Variants in DNAH17 observed in about 807,000 individuals in gnomAD.
DNAH17 encodes the protein dynein axonemal heavy chain 17.
DNAH17 carries 376 observed loss-of-function variants against 485.6 expected under a neutral mutation model. The observed-to-expected ratio is 0.77, with a 90% confidence interval of 0.71 to 0.84. The LOEUF (loss-of-function observed/expected upper bound fraction) is 0.84. Among genes scored for constraint, DNAH17 ranks in the 40% least tolerant of loss-of-function variants. The probability of loss-of-function intolerance (pLI) is 0.00; values close to 1 mark genes in which losing one functional copy is unlikely to be tolerated. For synonymous variants in DNAH17, 3,031 were observed against 2,405.9 expected, an observed-to-expected ratio of 1.26 and a Z score of -7.60; for missense variants, 6,370 against 5,839.3, an observed-to-expected ratio of 1.09 and a Z score of -2.96.
At chr17:78,518,134 G>A (rs114815299) in intron 25 of DNAH17, among the ~76,000 whole-genome samples, 266 of 152,296 alleles carry the variant, frequency 1.7e-3, no homozygotes, top group African/African-American at 5.7e-3. Context: ...GACATAGGCT[G>A]TAACATGACA....
Position 78,573,476 on chromosome 17 carries a change from A to G in DNAH17, c.346-582T>C, listed in dbSNP as rs567428201. Among the ~76,000 whole-genome samples the G allele has an allele frequency of 1.2e-4, 19 of 152,084 alleles. No individual in the cohort carries two copies. The South Asian group carries it at 4.0e-3, about 32-fold the overall frequency. ...TAGCCAGGCATGGTGGCACCTGCCTATAATCCCAGCTATTTGGGAGGCTGA... is the reference window on the plus strand; with the variant it reads ...TAGCCAGGCATGGTGGCACCTGCCTGTAATCCCAGCTATTTGGGAGGCTGA... On this transcript the variant is annotated intron_variant, in intron 2 of 80. Transcript: ENST00000389840.
intron 74 of DNAH17, 142 bp downstream of exon 74, chr17:78,437,499 G>C (rs954059846): frequency 1.8e-6 from 1 of 567,404 alleles, no homozygotes; most frequent in African/African-American, 1.9e-5. Flanking sequence ...TTTTGACTGC[G>C]AGGGGTGTGT....
chr17:78,570,656 G>A (rs563062523), intron 6 of DNAH17, among the ~76,000 whole-genome samples: 8 of 151,918 alleles, frequency 5.3e-5, no homozygotes, highest in South Asian at 2.1e-4. Context: ...TCAGGAGATC[G>A]AGACCATCCT....
chr17:78,554,799 T>G (rs1047011648), intron 14 of DNAH17, among the ~76,000 whole-genome samples: 1 of 152,170 alleles, frequency 6.6e-6, no homozygotes, highest in African/African-American at 2.4e-5. Context: ...CAGGCTGGAG[T>G]GCAGTGGCGT....
At chr17:78,531,007 T>C (rs2091220729) in intron 20 of DNAH17, among the ~76,000 whole-genome samples, 1 of 152,262 alleles carries the variant, frequency 6.6e-6, no homozygotes, top group African/African-American at 2.4e-5. Context: ...TCTTATTTTA[T>C]GCATTCTTTC....
rs1006544064 is a variant in DNAH17 at position 78,424,211 on chromosome 17, G to A, written c.13142-58C>T. The A allele has an allele frequency of 1.9e-6, 3 of 1,552,198 alleles. No homozygotes were observed. In the South Asian group the frequency reaches 3.6e-5, roughly 19 times the overall value. Reference sequence around the variant, plus strand: ...GCTGCCAGTAAGTGAGGGAGGGGCTGGCAGGAAGGGTGGGGTCCTCACACT... The same window carrying A: ...GCTGCCAGTAAGTGAGGGAGGGGCTAGCAGGAAGGGTGGGGTCCTCACACT... On this transcript the variant is annotated intron_variant, in intron 80 of 80. Transcript: ENST00000389840.
intron 11 of DNAH17, among the ~76,000 whole-genome samples, chr17:78,564,916 T>C (rs548531600): frequency 6.6e-6 from 1 of 152,138 alleles, no homozygotes; most frequent in Non-Finnish European, 1.5e-5. Flanking sequence ...TAGATGCAGC[T>C]ACCTGGGGAA....
rs765017099 is a variant in DNAH17 at position 78,479,036 on chromosome 17, T to C, written c.7981A>G (p.Asn2661Asp). ...TACAAGAGCAGTACCTGGAAAATAT[T>C]GGAGAGGTCCCTGAGGTTGAAGACA... ...HYVFNLRDLS[N>D]IFQGLLFSTA... The change falls in exon 51 of 81, where the codon AAT (asparagine) becomes GAT (aspartate). Residue 2661 changes from asparagine to aspartate, a missense_variant. Asn to Asp is a conservative substitution (Grantham distance 23). Transcript: ENST00000389840. 6.2e-7 allele frequency: 1 copy of C among 1,613,900 alleles called. No individual in the cohort carries two copies. The highest frequency in any genetic ancestry group is 8.5e-7 in the Non-Finnish European group (1 of 1,179,856).
At position 78,424,054 on chromosome 17, in the gene DNAH17, T is replaced by A; in HGVS notation, c.13241A>T (p.Asp4414Val). Residue 4414 changes from aspartate to valine, a missense_variant, in exon 81 of 81, where the codon GAC becomes GTC. Physicochemically the swap from Asp to Val is radical, Grantham distance 152. Transcript: ENST00000389840. Reference sequence around the variant, plus strand: ...ATAGATGTTCTTGGTCTCCATGCGGTCCACAGGAATGGCCTTGATGAAGAT... The same window carrying A: ...ATAGATGTTCTTGGTCTCCATGCGGACCACAGGAATGGCCTTGATGAAGAT... ...PVIFIKAIPV[D>V]RMETKNIYEC... 6.2e-6 allele frequency: 10 copies of A among 1,614,038 alleles called. No individual in the cohort carries two copies. Among genetic ancestry groups the A allele is most frequent in the Non-Finnish European group, 7.6e-6 (9 of 1,179,896 alleles).
At chr17:78,479,784 A>G (rs915080297) in intron 49 of DNAH17, among the ~76,000 whole-genome samples, 152 bp from the exon 50 acceptor site, 1 of 152,208 alleles carries the variant, frequency 6.6e-6, no homozygotes, top group African/African-American at 2.4e-5. Context: ...TGTGCCTTGC[A>G]TGTGGTAAAA....
Position 78,429,295 on chromosome 17 carries a change from G to A in DNAH17, c.12231C>T (p.Pro4077=). The A allele has an allele frequency of 6.2e-7, 1 of 1,613,298 alleles. No individual in the cohort carries two copies. Residue 4077 remains proline, a synonymous_variant, in exon 76 of 81, where the codon CCC becomes CCT. Transcript: ENST00000389840. ...CAAAAAGGTAGCGGAGATCGTCCCAGGGCACCTGAGGAAGGATGACAGCGG... is the reference window on the plus strand; with the variant it reads ...CAAAAAGGTAGCGGAGATCGTCCCAAGGCACCTGAGGAAGGATGACAGCGG... The part of the protein sequence containing the change: ...YNYLEANPKV[P]WDDLRYLFGE...
rs1312072464 is a variant in DNAH17 at position 78,444,664 on chromosome 17, G to A, written c.11468C>T (p.Ala3823Val). The change falls in exon 71 of 81, where the codon GCC (alanine) becomes GTC (valine). Residue 3823 changes from alanine (A) to valine (V), a missense_variant. By Grantham distance (64) the Ala-to-Val change is moderately conservative. Coordinates refer to ENST00000389840, the MANE Select transcript of DNAH17 (RefSeq NM_173628.4). ...GCGCACCATGCACAGCTTCTGCAGG[G>A]CCGTCTTGTTCTTCCACTCCTTGGG... ...IFPKEWKNKT[A>V]LQKLCMVRCL... 10 of 1,608,878 alleles carry A rather than the reference G, an allele frequency of 6.2e-6. No homozygotes were observed. Among genetic ancestry groups the A allele is most frequent in the Non-Finnish European group, 7.6e-6 (9 of 1,178,204 alleles).
chr17:78,507,839 C>G, intron 27 of DNAH17, 34 bp from the exon 28 acceptor site: 4 of 1,494,890 alleles, frequency 2.7e-6, no homozygotes, highest in Admixed American at 4.1e-5. Context: ...GGTCACTGAG[C>G]ATTTGGCATG....
At chr17:78,476,800 A>C (rs2089048717) in intron 51 of DNAH17, 67 bp from the exon 52 acceptor site, 1 of 1,553,294 alleles carries the variant, frequency 6.4e-7, no homozygotes, top group Non-Finnish European at 8.7e-7. Flanking sequence ...CTGGACACAG[A>C]TGACCCTGAG....
rs144199961 is a variant in DNAH17 at position 78,533,689 on chromosome 17, T to A, written c.2860-953A>T. Among the ~76,000 whole-genome samples the A allele has an allele frequency of 1.8e-3, 273 of 152,292 alleles. 1 individual carries two copies. Among genetic ancestry groups the A allele is most frequent in the African/African-American group, 5.9e-3 (244 of 41,554 alleles). On this transcript the variant is annotated intron_variant, in intron 19 of 80. Transcript: ENST00000389840. ...GTCTGCATCTTATGAAATTTTGACATCTTATTTCTTTTTGAGACAGAGTTT... is the reference window on the plus strand; with the variant it reads ...GTCTGCATCTTATGAAATTTTGACAACTTATTTCTTTTTGAGACAGAGTTT...
At chr17:78,464,705 C>A (rs1478920346) in intron 56 of DNAH17, among the ~76,000 whole-genome samples, 1 of 152,236 alleles carries the variant, frequency 6.6e-6, no homozygotes, top group Non-Finnish European at 1.5e-5. Flanking sequence ...CGAGGCAAGG[C>A]AGAAAGCCTG....
Position 78,490,809 on chromosome 17 carries a change from G to A in DNAH17, c.6708C>T (p.Asn2236=), listed in dbSNP as rs1277421622. The change falls in exon 44 of 81, where the codon AAC becomes AAT. Residue 2236 remains asparagine, a synonymous_variant. Coordinates refer to ENST00000389840, the MANE Select transcript of DNAH17 (RefSeq NM_173628.4). ...TLASNERIPL[N]RTMRLVFEIS... ...TTTCGAACACCAGCCTCATGGTGCGGTTCAGGGGGATCCGCTCGTTGCTGG... is the reference window on the plus strand; with the variant it reads ...TTTCGAACACCAGCCTCATGGTGCGATTCAGGGGGATCCGCTCGTTGCTGG... 1.9e-6 allele frequency: 3 copies of A among 1,604,592 alleles called. No individual in the cohort carries two copies. Among genetic ancestry groups the A allele is most frequent in the Non-Finnish European group, 2.6e-6 (3 of 1,175,748 alleles).
chr17:78,458,758 C>A (rs982514468), intron 61 of DNAH17, 78 bp from the exon 62 acceptor site: 2 of 1,338,008 alleles, frequency 1.5e-6, no homozygotes, highest in South Asian at 1.2e-5. Context: ...CAGGGCTGGG[C>A]CCTGTGAGCG....
At chr17:78,523,948 T>A (rs1337644562) in intron 25 of DNAH17, among the ~76,000 whole-genome samples, 1 of 152,198 alleles carries the variant, frequency 6.6e-6, no homozygotes, top group Non-Finnish European at 1.5e-5. Flanking sequence ...GAAAATATGC[T>A]GGCATCGTTA....
Sources: allele counts gnomAD v4.1 joint callset (sites outside exome capture counted in the v4.1 genomes callset), GRCh38; gene constraint gnomAD v4.1.1; transcripts MANE v1.5; gene names NCBI Gene and HGNC (gene_info 2026-07-23, HGNC 2026-07-21).